The following HTR1E variants were observed in gnomAD, a reference collection of about 807,000 sequenced individuals.
The protein encoded by HTR1E is 5-hydroxytryptamine receptor 1E, also known as 5-HT-1E.
HTR1E carries 3 observed loss-of-function variants against 3.4 expected under a neutral mutation model. The observed-to-expected ratio is 0.89, with a 90% CI of 0.41 to 2.31. HTR1E has a LOEUF of 2.31. Among genes scored for constraint, HTR1E ranks in the 30% most tolerant of loss-of-function variants. The pLI is 0.05. For synonymous variants in HTR1E, 170 were observed against 182.8 expected, an observed-to-expected ratio of 0.93 and a Z score of 0.56; for missense variants, 392 against 467.0, an observed-to-expected ratio of 0.84 and a Z score of 1.48.
At chr6:86,982,106 G>T (rs1767720782) in intron 1 of HTR1E, among the ~76,000 whole-genome samples, 1 of 152,196 alleles carries the variant, frequency 6.6e-6, no homozygotes, top group Non-Finnish European at 1.5e-5. Flanking sequence ...CTCCATAGCA[G>T]GGCAAGCAAC....
At chr6:86,939,495 T>C (rs1191975853) in intron 1 of HTR1E, among the ~76,000 whole-genome samples, 1 of 152,192 alleles carries the variant, frequency 6.6e-6, no homozygotes, top group African/African-American at 2.4e-5. Flanking sequence ...AGGATTGCTA[T>C]AGATCTCAAT....
rs1050198017 is a variant in HTR1E at position 86,948,282 on chromosome 6, T to C, written c.-186+10459T>C. 3.3e-4 allele frequency among the ~76,000 whole-genome samples: 51 copies of C among 152,340 alleles called. 1 individual carries two copies. The highest frequency in any genetic ancestry group is 5.4e-4 in the Non-Finnish European group (37 of 68,026). On this transcript the variant is annotated intron_variant, in intron 1 of 1. Transcript: ENST00000305344. ...CACATGTAATTATTATTTGAAAACA[T>C]CATTTCTAATAAGTATATAATATTG... is the stretch of plus-strand genomic sequence containing the variant.
chr6:86,978,015 T>C (rs796949226), intron 1 of HTR1E, among the ~76,000 whole-genome samples: 27 of 152,212 alleles, frequency 1.8e-4, no homozygotes, highest in African/African-American at 6.0e-4. Context: ...GATAGTGTCT[T>C]TTACTCACAG....
chr6:86,960,813 T>C (rs958806027), intron 1 of HTR1E, among the ~76,000 whole-genome samples: 2 of 152,200 alleles, frequency 1.3e-5, no homozygotes, highest in Non-Finnish European at 2.9e-5. Flanking sequence ...CTGCTGGCCA[T>C]GTGGCCTCAG....
chr6:87,002,240 T>C (rs1768034464), intron 1 of HTR1E, among the ~76,000 whole-genome samples: 2 of 152,188 alleles, frequency 1.3e-5, no homozygotes, highest in Admixed American at 1.3e-4. Flanking sequence ...TGTTCAGATG[T>C]GTCTGGAGTT....
chr6:87,016,324 G>T lies in HTR1E; in HGVS notation c.990G>T (p.Thr330=). 1 of 1,614,180 alleles carries T rather than the reference G, an allele frequency of 6.2e-7. No individual in the cohort carries two copies. Among genetic ancestry groups the T allele is most frequent in the Non-Finnish European group, 8.5e-7 (1 of 1,180,022 alleles). Residue 330 remains threonine, a synonymous_variant, in exon 2 of 2, where the codon ACG becomes ACT. Coordinates refer to ENST00000305344, the MANE Select transcript of HTR1E (RefSeq NM_000865.3). ...CCTCGGAAGTGGCCGACTTTCTGAC[G>T]TGGCTCGGTTATGTGAATTCTCTGA... is the stretch of plus-strand genomic sequence containing the variant. ...TVSSEVADFL[T]WLGYVNSLIN...
At chr6:86,943,637 C>A (rs1200412112) in intron 1 of HTR1E, among the ~76,000 whole-genome samples, 1 of 152,202 alleles carries the variant, frequency 6.6e-6, no homozygotes, top group East Asian at 1.9e-4. Flanking sequence ...CAGCATGGGG[C>A]TCAAGCCCAA....
chr6:86,945,352 C>T (rs2127816116), intron 1 of HTR1E, among the ~76,000 whole-genome samples: 1 of 152,250 alleles, frequency 6.6e-6, no homozygotes, highest in Non-Finnish European at 1.5e-5. Flanking sequence ...AAGCAATTCT[C>T]CCACCTCAGC....
chr6:86,954,843 A>G (rs1026683847), intron 1 of HTR1E, among the ~76,000 whole-genome samples: 5 of 152,148 alleles, frequency 3.3e-5, no homozygotes, highest in African/African-American at 7.2e-5. Context: ...TATTTAATGG[A>G]AGTCAAATTT....
intron 1 of HTR1E, among the ~76,000 whole-genome samples, chr6:87,013,452 A>G (rs1458107759): frequency 6.6e-6 from 1 of 152,234 alleles, no homozygotes; most frequent in Non-Finnish European, 1.5e-5. Flanking sequence ...AAGGTCCTCC[A>G]TCAACTCCTC....
chr6:86,951,027 G>T (rs1767232413), intron 1 of HTR1E, among the ~76,000 whole-genome samples: 1 of 152,088 alleles, frequency 6.6e-6, no homozygotes, highest in Non-Finnish European at 1.5e-5. Context: ...CATTTGGGGA[G>T]GAGTGTTCAA....
chr6:86,955,624 G>A (rs1582259171), intron 1 of HTR1E, among the ~76,000 whole-genome samples: 1 of 152,164 alleles, frequency 6.6e-6, no homozygotes, highest in Admixed American at 6.5e-5. Flanking sequence ...TAAATTTGTG[G>A]TAATTTGTTA....
At chr6:86,948,237 A>G (rs931291480) in intron 1 of HTR1E, among the ~76,000 whole-genome samples, 3 of 152,176 alleles carry the variant, frequency 2.0e-5, no homozygotes, top group South Asian at 4.1e-4. Flanking sequence ...GGCTGCAAAC[A>G]TTATCTATTT....
chr6:86,998,675 G>T (rs1396221026), intron 1 of HTR1E, among the ~76,000 whole-genome samples: 1 of 151,410 alleles, frequency 6.6e-6, no homozygotes, highest in Non-Finnish European at 1.5e-5. Flanking sequence ...GGAAAAGGGT[G>T]GTGAATTAAA....
intron 1 of HTR1E, among the ~76,000 whole-genome samples, chr6:86,938,925 T>C (rs1031858645): frequency 2.6e-5 from 4 of 152,200 alleles, no homozygotes; most frequent in Non-Finnish European, 1.5e-5. Context: ...TGCATAACCT[T>C]AAACAGCCAG....
rs3828741 is a variant in HTR1E at position 87,015,956 on chromosome 6, G to A, written c.622G>A (p.Ala208Thr). The change falls in exon 2 of 2, where the codon GCG becomes ACG. Residue 208 changes from alanine to threonine, a missense_variant. This residue lies in a region of HTR1E where 178 missense variants were observed against 164.9 expected (regional missense o/e 1.08). Coordinates refer to ENST00000305344, the MANE Select transcript of HTR1E (RefSeq NM_000865.3). ...GATTCTCTATTACCGGATTTACCACGCGGCCAAGAGCCTTTACCAGAAAAG... is the reference window on the plus strand; with the variant it reads ...GATTCTCTATTACCGGATTTACCACACGGCCAAGAGCCTTTACCAGAAAAG... ...ILILYYRIYH[A>T]AKSLYQKRGS... 3.6e-4 allele frequency: 587 copies of A among 1,614,132 alleles called. 4 individuals carry two copies. The East Asian group carries it at 0.01, about 29-fold the overall frequency.
At chr6:86,949,307 A>G (rs1458910272) in intron 1 of HTR1E, among the ~76,000 whole-genome samples, 1 of 152,200 alleles carries the variant, frequency 6.6e-6, no homozygotes, top group African/African-American at 2.4e-5. Context: ...TATGTGAAAA[A>G]GTGCTTAAAA....
chr6:87,011,724 A>T (rs920472707), intron 1 of HTR1E, among the ~76,000 whole-genome samples: 1 of 152,188 alleles, frequency 6.6e-6, no homozygotes, highest in South Asian at 2.1e-4. Flanking sequence ...TACCTCACAG[A>T]TATTTCAGAA....
At chr6:86,983,377 A>C (rs1767739741) in intron 1 of HTR1E, among the ~76,000 whole-genome samples, 1 of 152,216 alleles carries the variant, frequency 6.6e-6, no homozygotes. Context: ...ATTCATTTGA[A>C]GAACATTTAT....
Sources: allele counts gnomAD v4.1 joint callset (sites outside exome capture counted in the v4.1 genomes callset), GRCh38; gene constraint gnomAD v4.1.1; regional missense constraint gnomAD v4.1.1; transcripts MANE v1.5; gene names NCBI Gene and HGNC (gene_info 2026-07-23, HGNC 2026-07-21).